Variants in ALG14 observed in about 807,000 individuals in gnomAD.
ALG14 encodes ALG14 UDP-N-acetylglucosaminyltransferase subunit, also known as UDP-N-acetylglucosamine transferase subunit ALG14.
ALG14 carries 17 observed loss-of-function variants against 22.8 expected under a neutral mutation model. The ratio of observed to expected loss-of-function variants is 0.75; its 90% CI spans 0.51 to 1.12. ALG14 has a LOEUF of 1.12. Among genes scored for constraint, ALG14 ranks in the 50% most tolerant of loss-of-function variants. The probability of loss-of-function intolerance (pLI) is 0.00; values close to 1 mark genes in which losing one functional copy is unlikely to be tolerated. For synonymous variants in ALG14, 89 were observed against 103.7 expected, an observed-to-expected ratio of 0.86 and a Z score of 0.86; for missense variants, 288 against 271.8, an observed-to-expected ratio of 1.06 and a Z score of -0.42.
intron 3 of ALG14, among the ~76,000 whole-genome samples, chr1:95,000,536 A>T (rs997509562): frequency 8.7e-5 from 5 of 57,646 alleles, no homozygotes; most frequent in African/African-American, 4.6e-4. Context: ...ACCCTGTCCT[A>T]AAAAAAAAAA....
At chr1:95,057,538 G>A (rs928547256) in intron 2 of ALG14, among the ~76,000 whole-genome samples, 7 of 151,174 alleles carry the variant, frequency 4.6e-5, no homozygotes, top group South Asian at 2.1e-4. Flanking sequence ...GAGCATCTGC[G>A]GATTTTGGCA....
At chr1:95,032,699 T>C (rs748130046) in intron 2 of ALG14, among the ~76,000 whole-genome samples, 1 of 152,138 alleles carries the variant, frequency 6.6e-6, no homozygotes, top group Non-Finnish European at 1.5e-5. Flanking sequence ...TGTTTTTCTA[T>C]GATACCTGCT....
At chr1:95,051,578 C>T (rs1674751598) in intron 2 of ALG14, among the ~76,000 whole-genome samples, 1 of 152,218 alleles carries the variant, frequency 6.6e-6, no homozygotes, top group African/African-American at 2.4e-5. Context: ...AAAAAGCCAT[C>T]CAAGCCAACA....
At position 95,065,073 on chromosome 1, in the gene ALG14, T is replaced by C. The variant is rs1473239840; in HGVS notation, c.137-56A>G. On this transcript the variant is annotated intron_variant, in intron 1 of 3. Transcript: ENST00000370205. ...AGAAACCCACAATGGACATATCCAT[T>C]TGACCATGTTATACCAATATCATGG... is the stretch of plus-strand genomic sequence containing the variant. The C allele has an allele frequency of 2.0e-6, 3 of 1,517,948 alleles. No homozygotes were observed. In the East Asian group the frequency reaches 7.1e-5, roughly 36 times the overall value. 94.0% of individuals were successfully genotyped at this position (1,517,948 alleles called of 1,614,324 possible).
chr1:95,020,711 C>A (rs1352310561), intron 3 of ALG14, among the ~76,000 whole-genome samples: 2 of 147,476 alleles, frequency 1.4e-5, no homozygotes, highest in African/African-American at 5.1e-5. Context: ...GCACTCCAGC[C>A]TGGGCAACAA....
chr1:94,985,965 T>G (rs958009874), intron 3 of ALG14, among the ~76,000 whole-genome samples: 1 of 151,970 alleles, frequency 6.6e-6, no homozygotes. Context: ...ACAAAGGTTT[T>G]ACCTCTTTTT....
At chr1:95,002,336 C>A (rs17112867) in intron 3 of ALG14, among the ~76,000 whole-genome samples, 1 of 150,862 alleles carries the variant, frequency 6.6e-6, no homozygotes, top group African/African-American at 2.4e-5. Flanking sequence ...CAGGCAGCCT[C>A]GCCTTAAGTT....
At chr1:95,024,631 A>C (rs754068395) in intron 3 of ALG14, among the ~76,000 whole-genome samples, 2 of 152,178 alleles carry the variant, frequency 1.3e-5, no homozygotes, top group Non-Finnish European at 2.9e-5. Context: ...TTTCTGGGTC[A>C]AGTGAATAGC....
chr1:95,025,526 C>T (rs1401000218), intron 3 of ALG14, among the ~76,000 whole-genome samples: 3 of 152,220 alleles, frequency 2.0e-5, no homozygotes, highest in Non-Finnish European at 4.4e-5. Flanking sequence ...TCTCTTTAGC[C>T]ACGAGAGTCC....
At chr1:95,010,674 T>C (rs1159597752) in intron 3 of ALG14, among the ~76,000 whole-genome samples, 2 of 152,172 alleles carry the variant, frequency 1.3e-5, no homozygotes, top group Admixed American at 1.3e-4. Context: ...ATATTTTGTA[T>C]TAAAAAAGAA....
chr1:94,995,270 T>C (rs1438520807), intron 3 of ALG14, among the ~76,000 whole-genome samples: 1 of 152,182 alleles, frequency 6.6e-6, no homozygotes, highest in Non-Finnish European at 1.5e-5. Flanking sequence ...TCTGTGCATG[T>C]GTGTGTGTTT....
chr1:95,057,157 T>C (rs560897241), intron 2 of ALG14, among the ~76,000 whole-genome samples: 109 of 150,208 alleles, frequency 7.3e-4, no homozygotes, highest in South Asian at 1.9e-3. Flanking sequence ...TAAATAAATA[T>C]ATATATACAT....
chr1:95,000,910 T>TTTG (rs1673048707), intron 3 of ALG14, among the ~76,000 whole-genome samples: 1 of 152,172 alleles, frequency 6.6e-6, no homozygotes, highest in South Asian at 2.1e-4. Context: ...AGGCTGCGCC[T>TTTG]GATCAAAAAA....
chr1:94,980,894 A>C lies in ALG14; in HGVS notation c.*2182T>G, dbSNP rs1013095850. On this transcript the variant is annotated 3_prime_UTR_variant, in exon 4 of 4. Transcript: ENST00000370205. Reference sequence around the variant, plus strand: ...GTTAAGGCTCTGCAAAACATCTGGGACATATGTTTCTGGAAAAAATTATAG... The same window carrying C: ...GTTAAGGCTCTGCAAAACATCTGGGCCATATGTTTCTGGAAAAAATTATAG... 1 of 152,192 alleles carries C rather than the reference A, an allele frequency of 6.6e-6. No homozygotes were observed. Among genetic ancestry groups the C allele is most frequent in the Admixed American group, 6.5e-5 (1 of 15,278 alleles). The allele number at this position is 152,192 out of a possible 1,614,324, so 9.4% of individuals were successfully genotyped here. A position where few individuals can be genotyped will look rare whatever the true frequency, so the allele number is the denominator to read the frequency against.
At chr1:95,009,191 T>C (rs1293158481) in intron 3 of ALG14, among the ~76,000 whole-genome samples, 1 of 151,096 alleles carries the variant, frequency 6.6e-6, no homozygotes, top group Non-Finnish European at 1.5e-5. Flanking sequence ...CTGGATCATA[T>C]GGTAATTTTT....
Position 94,976,074 on chromosome 1 carries a change from T to G in ALG14, c.*7002A>C, listed in dbSNP as rs1022744116. ...AGCCTCCTTAACACACCAGGGGAGC[T>G]ACCACTGATGGAGACAAATGTGACT... is the stretch of plus-strand genomic sequence containing the variant. On this transcript the variant is annotated 3_prime_UTR_variant, in exon 4 of 4. Coordinates refer to ENST00000370205, the MANE Select transcript of ALG14 (RefSeq NM_144988.4). 4 of 144,340 alleles carry G rather than the reference T, an allele frequency of 2.8e-5. No individual in the cohort carries two copies. The highest frequency in any genetic ancestry group is 1.4e-4 in the Admixed American group (2 of 14,476). The allele number at this position is 144,340 out of a possible 1,614,324, so 8.9% of individuals were successfully genotyped here.
chr1:95,018,387 T>A (rs1305093126), intron 3 of ALG14, among the ~76,000 whole-genome samples: 2 of 151,842 alleles, frequency 1.3e-5, no homozygotes, highest in Non-Finnish European at 1.5e-5. Flanking sequence ...AATAAAAAAA[T>A]TAGCTGGGTG....
At chr1:95,021,780 C>T (rs1673671207) in intron 3 of ALG14, among the ~76,000 whole-genome samples, 1 of 152,218 alleles carries the variant, frequency 6.6e-6, no homozygotes, top group East Asian at 1.9e-4. Context: ...CTCTGGAGCT[C>T]ACTGCCTGTG....
chr1:95,068,985 T>C lies in ALG14; in HGVS notation c.136+3778A>G, dbSNP rs137880092. Among the ~76,000 whole-genome samples, 58 of 152,348 alleles carry C rather than the reference T, an allele frequency of 3.8e-4. 2 individuals carry two copies. Among genetic ancestry groups the C allele is most frequent in the African/African-American group, 1.2e-3 (50 of 41,582 alleles). On this transcript the variant is annotated intron_variant, in intron 1 of 3. Coordinates refer to ENST00000370205, the MANE Select transcript of ALG14 (RefSeq NM_144988.4). ...ACTCCTAAAATCTTCCAATCTCATC[T>C]GAATGCGATTGCTTTTCTCCAGCCC...
Sources: gnomAD v4.1 joint callset for allele counts (sites outside exome capture counted in the v4.1 genomes callset) on GRCh38, gnomAD v4.1.1 for gene constraint, MANE v1.5 for transcripts, NCBI Gene and HGNC (gene_info 2026-07-23, HGNC 2026-07-21) for gene names.